TACR3: variants seen among roughly 807,000 people sequenced by gnomAD.
The protein encoded by TACR3 is tachykinin receptor 3.
TACR3 carries 34 observed loss-of-function variants against 35.0 expected under a neutral mutation model. The observed-to-expected ratio is 0.97, with a 90% CI of 0.74 to 1.30. The LOEUF is 1.30. Ranked by LOEUF, TACR3 falls within the 50% of genes most tolerant of loss-of-function variation. The pLI is 0.00. For synonymous variants in TACR3, 233 were observed against 221.1 expected (o/e 1.05, Z -0.48); for missense variants, 558 against 591.7 (o/e 0.94, Z 0.59).
chr4:103,593,605 T>C (rs1723941339), intron 3 of TACR3, among the ~76,000 whole-genome samples: 2 of 152,178 alleles, frequency 1.3e-5, no homozygotes, highest in African/African-American at 4.8e-5. Context: ...AGCATTCTAC[T>C]ATTCCTTGAA....
At chr4:103,691,723 G>A (rs7669205) in intron 1 of TACR3, among the ~76,000 whole-genome samples, 18,050 of 152,078 alleles carry the variant, frequency 0.12, 1,475 homozygotes, top group East Asian at 0.43. Context: ...AGGAACACCC[G>A]GCCTGCCCAG....
intron 3 of TACR3, among the ~76,000 whole-genome samples, chr4:103,605,359 G>A (rs921741336): frequency 8.3e-5 from 8 of 96,160 alleles, no homozygotes; most frequent in Non-Finnish European, 1.6e-4. Context: ...GGGATGGCTG[G>A]GTCAAATGGT....
At chr4:103,630,984 G>A (rs1578234573) in intron 3 of TACR3, among the ~76,000 whole-genome samples, 1 of 152,142 alleles carries the variant, frequency 6.6e-6, no homozygotes, top group Admixed American at 6.5e-5. Flanking sequence ...TATACACATG[G>A]AATACAATGC....
At chr4:103,648,305 T>C (rs1725503058) in intron 3 of TACR3, among the ~76,000 whole-genome samples, 1 of 146,050 alleles carries the variant, frequency 6.8e-6, no homozygotes, top group South Asian at 2.1e-4. Context: ...TATACTTTTT[T>C]AGTAATTTTA....
intron 3 of TACR3, among the ~76,000 whole-genome samples, chr4:103,616,104 T>G (rs1488992964): frequency 6.6e-6 from 1 of 152,236 alleles, no homozygotes; most frequent in Non-Finnish European, 1.5e-5. Flanking sequence ...ATTCATGACC[T>G]GTGCTAGAGG....
chr4:103,617,225 A>G (rs1277272916), intron 3 of TACR3, among the ~76,000 whole-genome samples: 1 of 148,784 alleles, frequency 6.7e-6, no homozygotes, highest in Non-Finnish European at 1.5e-5. Flanking sequence ...TACGATAAAC[A>G]TATTAAGGTA....
chr4:103,643,792 T>C (rs755466057), intron 3 of TACR3, among the ~76,000 whole-genome samples: 7 of 151,816 alleles, frequency 4.6e-5, no homozygotes, highest in Non-Finnish European at 1.0e-4. Flanking sequence ...GCAATTGTTA[T>C]AGATTTCATA....
At chr4:103,709,633 C>A (rs1000534633) in intron 1 of TACR3, among the ~76,000 whole-genome samples, 5 of 152,250 alleles carry the variant, frequency 3.3e-5, no homozygotes, top group Non-Finnish European at 7.4e-5. Flanking sequence ...ATCATAATGA[C>A]AGGATCAAAT....
intron 1 of TACR3, among the ~76,000 whole-genome samples, chr4:103,712,127 A>C (rs2110231624): frequency 6.6e-6 from 1 of 152,362 alleles, no homozygotes; most frequent in South Asian, 2.1e-4. Flanking sequence ...CTTTCTTCAC[A>C]GAATTGGAAA....
rs368560049 is a variant in TACR3 at position 103,702,183 on chromosome 4, T to A, written c.548+16945A>T. Among the ~76,000 whole-genome samples, 9 of 152,002 alleles carry A rather than the reference T, an allele frequency of 5.9e-5. 1 individual carries two copies. In the South Asian group the frequency reaches 1.9e-3, roughly 32 times the overall value. On this transcript the variant is annotated intron_variant, in intron 1 of 4. Coordinates refer to ENST00000304883, the MANE Select transcript of TACR3 (RefSeq NM_001059.3). ...AAGGGCTAATATCCAGAATCTACAA[T>A]GAACTCAAACAAATTTACAAGAAAA...
At chr4:103,604,072 A>G (rs1337094562) in intron 3 of TACR3, among the ~76,000 whole-genome samples, 3 of 152,336 alleles carry the variant, frequency 2.0e-5, no homozygotes, top group East Asian at 1.9e-4. Context: ...AAAGGAGCCC[A>G]TATCTCCAAG....
intron 4 of TACR3, among the ~76,000 whole-genome samples, chr4:103,590,732 T>C (rs1723874833): frequency 6.6e-6 from 1 of 152,202 alleles, no homozygotes; most frequent in African/African-American, 2.4e-5. Context: ...AAAAAACACA[T>C]TGGTTTATTA....
At chr4:103,592,529 G>C (rs1723917898) in intron 3 of TACR3, among the ~76,000 whole-genome samples, 1 of 152,092 alleles carries the variant, frequency 6.6e-6, no homozygotes, top group South Asian at 2.1e-4. Flanking sequence ...CACAGTCCTT[G>C]ATATATAGCT....
At chr4:103,622,959 A>G (rs964685082) in intron 3 of TACR3, among the ~76,000 whole-genome samples, 11 of 152,174 alleles carry the variant, frequency 7.2e-5, no homozygotes, top group Non-Finnish European at 1.3e-4. Flanking sequence ...ACTCAAAATG[A>G]ATCAGAGGGC....
intron 3 of TACR3, among the ~76,000 whole-genome samples, chr4:103,611,664 AC>A (rs760052383): frequency 1.5e-4 from 23 of 152,108 alleles, no homozygotes; most frequent in Non-Finnish European, 2.8e-4. Context: ...CTTTTTTTTA[AC>A]ACAGACATGG....
intron 3 of TACR3, among the ~76,000 whole-genome samples, chr4:103,599,252 G>GT (rs572531450): frequency 4.4e-4 from 67 of 152,184 alleles, no homozygotes; most frequent in Admixed American, 7.9e-4. Flanking sequence ...TTGGCTCTCT[G>GT]TTTGTCTGTT....
Position 103,642,011 on chromosome 4 carries a change from T to A in TACR3, c.888+14183A>T, listed in dbSNP as rs942397241. Among the ~76,000 whole-genome samples, 2 of 151,982 alleles carry A rather than the reference T, an allele frequency of 1.3e-5. 1 individual carries two copies. Among genetic ancestry groups the A allele is most frequent in the Admixed American group, 1.3e-4 (2 of 15,202 alleles). Reference sequence around the variant, plus strand: ...GGAGATGTTGATCAAAGGGTACATTTCAGTTAGACAGGTGATACTATAAGT... The same window carrying A: ...GGAGATGTTGATCAAAGGGTACATTACAGTTAGACAGGTGATACTATAAGT... On this transcript the variant is annotated intron_variant, in intron 3 of 4. Transcript: ENST00000304883.
At chr4:103,701,365 G>A (rs1048036604) in intron 1 of TACR3, among the ~76,000 whole-genome samples, 29 of 149,800 alleles carry the variant, frequency 1.9e-4, no homozygotes, top group African/African-American at 6.9e-4. Context: ...CCTCTTCAAG[G>A]AGAACTACAA....
chr4:103,686,749 T>C lies in TACR3; in HGVS notation c.549-28346A>G, dbSNP rs1722251727. Among the ~76,000 whole-genome samples the C allele has an allele frequency of 2.0e-5, 3 of 152,288 alleles. No homozygotes were observed. In the South Asian group the frequency reaches 6.2e-4, roughly 32 times the overall value. On this transcript the variant is annotated intron_variant, in intron 1 of 4. Transcript: ENST00000304883. The stretch of plus-strand genomic sequence containing the variant: ...GAGATTTCAATGCAGCCACCATTAA[T>C]ACGTTTAGAGAACTAAAGAAAAGCT...
Sources: gnomAD v4.1 joint callset for allele counts (sites outside exome capture counted in the v4.1 genomes callset) on GRCh38, gnomAD v4.1.1 for gene constraint, MANE v1.5 for transcripts, NCBI Gene and HGNC (gene_info 2026-07-23, HGNC 2026-07-21) for gene names.